IGF1R: variants seen among roughly 807,000 people sequenced by gnomAD.
The protein encoded by IGF1R is insulin-like growth factor 1 receptor.
IGF1R carries 44 observed loss-of-function variants against 144.6 expected under a neutral mutation model. That is an observed-to-expected ratio of 0.30 (90% confidence interval 0.24 to 0.39). The LOEUF (loss-of-function observed/expected upper bound fraction) is 0.39. Among genes scored for constraint, IGF1R ranks in the 10% least tolerant of loss-of-function variants. The pLI is 1.00. For missense variants in IGF1R, 1,355 were observed against 1,833.7 expected (o/e 0.74, Z 4.77); for synonymous variants, 795 against 722.8 (o/e 1.10, Z -1.60).
At chr15:98,939,409 T>C (rs1198704480) in intron 18 of IGF1R, 49 bp downstream of exon 18, 7 of 1,593,992 alleles carry the variant, frequency 4.4e-6, no homozygotes, top group Non-Finnish European at 5.2e-6. Flanking sequence ...CTCAGGTGTT[T>C]TGAGGACTTT....
At position 98,943,170 on chromosome 15, in the gene IGF1R, T is replaced by A. The variant is rs887482555; in HGVS notation, c.3587+118T>A. The A allele has an allele frequency of 4.0e-5, 49 of 1,219,564 alleles. No homozygotes were observed. In the Middle Eastern group the frequency reaches 8.0e-4, roughly 20 times the overall value. The allele number at this position is 1,219,564 out of a possible 1,614,324, so 75.5% of individuals were successfully genotyped here. On this transcript the variant is annotated intron_variant, in intron 19 of 20. Transcript: ENST00000650285. Reference sequence around the variant, plus strand: ...ATTGTTACCCGTTGCCAGCTTTAGCTCAGTGTTGTGTGAGCCACACTTCTT... The same window carrying A: ...ATTGTTACCCGTTGCCAGCTTTAGCACAGTGTTGTGTGAGCCACACTTCTT...
chr15:98,838,654 C>T (rs1293531131), intron 2 of IGF1R, among the ~76,000 whole-genome samples: 3 of 152,204 alleles, frequency 2.0e-5, no homozygotes, highest in East Asian at 1.9e-4. Flanking sequence ...AGGGTATTAA[C>T]CTTGCCCCAC....
At chr15:98,929,462 A>T in intron 13 of IGF1R, 96 bp from the exon 14 acceptor site, 1 of 909,584 alleles carries the variant, frequency 1.1e-6, no homozygotes, top group Non-Finnish European at 1.9e-6. Context: ...ACGAATATAC[A>T]GGTATTTTTT....
intron 2 of IGF1R, among the ~76,000 whole-genome samples, chr15:98,824,868 G>A (rs536650172): frequency 2.0e-5 from 3 of 147,624 alleles, no homozygotes; most frequent in Non-Finnish European, 3.0e-5. Flanking sequence ...ACGGATTCTC[G>A]CTCTGTCACC....
chr15:98,875,367 G>A (rs1303499573), intron 2 of IGF1R, among the ~76,000 whole-genome samples: 1 of 105,508 alleles, frequency 9.5e-6, no homozygotes, highest in Admixed American at 1.1e-4. Context: ...TTTTTTTTTA[G>A]GTGACTTGGC....
At chr15:98,834,282 G>A (rs1198834607) in intron 2 of IGF1R, among the ~76,000 whole-genome samples, 4 of 152,220 alleles carry the variant, frequency 2.6e-5, no homozygotes, top group Non-Finnish European at 4.4e-5. Context: ...GCCTCAGCAA[G>A]TGTTTATGGT....
In IGF1R at chr15:98,959,367, C is replaced by T. The variant is rs538339778; in HGVS notation, c.*1925C>T. 49 of 233,618 alleles carry T rather than the reference C, an allele frequency of 2.1e-4. No individual in the cohort carries two copies. Among genetic ancestry groups the T allele is most frequent in the Non-Finnish European group, 3.2e-4 (38 of 118,054 alleles). The allele number at this position is 233,618 out of a possible 1,614,324, so 14.5% of individuals were successfully genotyped here. A position where few individuals can be genotyped will look rare whatever the true frequency, so the allele number is the denominator to read the frequency against. ...GTCCGGCAGGGCCTGTTGTGGCCCTCGCCACCCCCCTCACCGGACCGACTG... is the reference window on the plus strand; with the variant it reads ...GTCCGGCAGGGCCTGTTGTGGCCCTTGCCACCCCCCTCACCGGACCGACTG... On this transcript the variant is annotated 3_prime_UTR_variant, in exon 21 of 21. Transcript: ENST00000650285.
At chr15:98,650,609 C>T (rs2052336523) in intron 1 of IGF1R, among the ~76,000 whole-genome samples, 1 of 152,214 alleles carries the variant, frequency 6.6e-6, no homozygotes, top group Non-Finnish European at 1.5e-5. Flanking sequence ...GCTCGCAGCG[C>T]GGGGTGTAGT....
intron 1 of IGF1R, among the ~76,000 whole-genome samples, chr15:98,700,555 C>T (rs999065496): frequency 1.3e-5 from 2 of 152,178 alleles, no homozygotes; most frequent in African/African-American, 2.4e-5. Flanking sequence ...ACAGTTCCTT[C>T]AAGTGGTCCT....
At chr15:98,951,607 G>T in intron 20 of IGF1R, among the ~76,000 whole-genome samples, 1 of 152,248 alleles carries the variant, frequency 6.6e-6, no homozygotes, top group Non-Finnish European at 1.5e-5. Context: ...CAGCCCAGCT[G>T]TCCGCCGGGG....
chr15:98,828,880 A>T (rs1297014768), intron 2 of IGF1R, among the ~76,000 whole-genome samples: 1 of 149,220 alleles, frequency 6.7e-6, no homozygotes, highest in African/African-American at 2.5e-5. Context: ...ATCCCAGTGC[A>T]TTGTAAAATC....
intron 1 of IGF1R, among the ~76,000 whole-genome samples, chr15:98,702,193 T>A (rs1042842417): frequency 1.3e-5 from 2 of 152,104 alleles, no homozygotes; most frequent in African/African-American, 4.8e-5. Flanking sequence ...ATTTAGTTCT[T>A]AGGGATTTAT....
intron 20 of IGF1R, among the ~76,000 whole-genome samples, chr15:98,955,170 C>G (rs908256967): frequency 1.3e-5 from 2 of 152,150 alleles, no homozygotes; most frequent in Non-Finnish European, 2.9e-5. Flanking sequence ...TTCAGCAGTT[C>G]ACACACATAA....
chr15:98,876,549 A>G (rs2013072069), intron 2 of IGF1R, among the ~76,000 whole-genome samples: 1 of 152,228 alleles, frequency 6.6e-6, no homozygotes, highest in Non-Finnish European at 1.5e-5. Context: ...CCACAAAAAT[A>G]AAAACTAGCA....
intron 1 of IGF1R, among the ~76,000 whole-genome samples, chr15:98,664,735 C>G (rs1315471532): frequency 4.7e-5 from 7 of 150,350 alleles, no homozygotes; most frequent in Admixed American, 3.3e-4. Context: ...AGGATCGTTA[C>G]CAATACTTCA....
chr15:98,832,135 A>C (rs1297031170), intron 2 of IGF1R, among the ~76,000 whole-genome samples: 1 of 152,138 alleles, frequency 6.6e-6, no homozygotes, highest in Non-Finnish European at 1.5e-5. Context: ...CTTTTGCCCC[A>C]AACTCACATT....
intron 15 of IGF1R, among the ~76,000 whole-genome samples, chr15:98,932,649 C>T (rs1453550405): frequency 6.6e-6 from 1 of 152,182 alleles, no homozygotes; most frequent in African/African-American, 2.4e-5. Flanking sequence ...ACAGTGAACT[C>T]TTTACACTTT....
At chr15:98,758,646 G>A (rs1029680650) in intron 2 of IGF1R, among the ~76,000 whole-genome samples, 4 of 152,182 alleles carry the variant, frequency 2.6e-5, no homozygotes, top group African/African-American at 9.7e-5. Flanking sequence ...CTTCTTCCCT[G>A]TGGATGGACT....
rs911143731 is a variant in IGF1R, at chr15:98,924,158, A to C, written c.2622+146A>C. 6 of 841,516 alleles carry C rather than the reference A, an allele frequency of 7.1e-6. No homozygotes were observed. In the African/African-American group the frequency reaches 8.3e-5, roughly 12 times the overall value. 52.1% of individuals were successfully genotyped at this position (841,516 alleles called of 1,614,324 possible). On this transcript the variant is annotated intron_variant, in intron 12 of 20. Coordinates refer to ENST00000650285, the MANE Select transcript of IGF1R (RefSeq NM_000875.5). The stretch of plus-strand genomic sequence containing the variant: ...AGTTGGTGAGGATTTGGGTCTTTCT[A>C]CCCACTCTGTACTCTCCAAGGAGTA...
Sources: gnomAD v4.1 joint callset for allele counts (sites outside exome capture counted in the v4.1 genomes callset) on GRCh38, gnomAD v4.1.1 for gene constraint, MANE v1.5 for transcripts, NCBI Gene and HGNC (gene_info 2026-07-23, HGNC 2026-07-21) for gene names.